DPYD: variants seen among roughly 807,000 people sequenced by gnomAD.
The protein encoded by DPYD is dihydropyrimidine dehydrogenase.
In DPYD, 109 loss-of-function variants were observed where a neutral mutation model predicts 116.2. That is an observed-to-expected ratio of 0.94 (90% CI 0.80 to 1.10). The LOEUF (loss-of-function observed/expected upper bound fraction) is 1.10. Among genes scored for constraint, DPYD ranks in the 50% least tolerant of loss-of-function variants. The probability of loss-of-function intolerance (pLI) is 0.00; values close to 1 mark genes in which losing one functional copy is unlikely to be tolerated. For synonymous variants in DPYD, 440 were observed against 432.0 expected (o/e 1.02, Z -0.23); for missense variants, 1,302 against 1,254.5 (o/e 1.04, Z -0.57).
chr1:97,696,656 G>A (rs776234637), intron 6 of DPYD, among the ~76,000 whole-genome samples: 6 of 151,928 alleles, frequency 3.9e-5, no homozygotes, highest in Non-Finnish European at 7.4e-5. Flanking sequence ...ATAGTCAGTG[G>A]AAAGTCAGAC....
intron 4 of DPYD, among the ~76,000 whole-genome samples, chr1:97,728,253 C>T (rs1663380649): frequency 6.6e-6 from 1 of 152,056 alleles, no homozygotes; most frequent in African/African-American, 2.4e-5. Flanking sequence ...CACTAATTTA[C>T]CCACAATTTG....
intron 11 of DPYD, among the ~76,000 whole-genome samples, chr1:97,572,390 A>C (rs1652962735): frequency 6.6e-6 from 1 of 152,074 alleles, no homozygotes; most frequent in South Asian, 2.1e-4. Context: ...TTCTGAGCCA[A>C]ATCTGTTCAG....
At chr1:97,199,507 A>G (rs755573523) in intron 19 of DPYD, among the ~76,000 whole-genome samples, 4 of 152,216 alleles carry the variant, frequency 2.6e-5, no homozygotes, top group Admixed American at 6.5e-5. Context: ...ATTAAATTTC[A>G]TACTATGAAT....
At chr1:97,574,806 A>G (rs990616694) in intron 10 of DPYD, among the ~76,000 whole-genome samples, 6 of 152,168 alleles carry the variant, frequency 3.9e-5, no homozygotes, top group Admixed American at 3.3e-4. Flanking sequence ...AAAATGTCCT[A>G]CTGAAGTGTT....
chr1:97,662,911 A>G (rs1035988642), intron 8 of DPYD, among the ~76,000 whole-genome samples: 2 of 152,212 alleles, frequency 1.3e-5, no homozygotes, highest in Admixed American at 1.3e-4. Context: ...TCACTGGGCT[A>G]TAATTTTTTC....
chr1:97,656,034 C>G (rs1020840027), intron 8 of DPYD, among the ~76,000 whole-genome samples: 2 of 152,032 alleles, frequency 1.3e-5, no homozygotes, highest in Non-Finnish European at 2.9e-5. Context: ...TTCAAAATAC[C>G]TACATTTCCT....
intron 4 of DPYD, among the ~76,000 whole-genome samples, chr1:97,739,463 G>C (rs1376824015): frequency 1.3e-5 from 2 of 151,818 alleles, no homozygotes; most frequent in Non-Finnish European, 2.9e-5. Flanking sequence ...TGACCATGCA[G>C]GAATAATTTT....
intron 8 of DPYD, among the ~76,000 whole-genome samples, chr1:97,635,012 C>A (rs149968419): frequency 6.6e-6 from 1 of 151,720 alleles, no homozygotes; most frequent in South Asian, 2.1e-4. Flanking sequence ...TGTGTTCAGT[C>A]CATGTTCTGT....
chr1:97,890,733 A>G (rs1464665493), intron 1 of DPYD, among the ~76,000 whole-genome samples: 1 of 152,016 alleles, frequency 6.6e-6, no homozygotes, highest in East Asian at 1.9e-4. Flanking sequence ...TAACATTTAA[A>G]GCAAACCAGC....
chr1:97,822,020 T>G (rs1183464346), intron 3 of DPYD, among the ~76,000 whole-genome samples: 2 of 151,770 alleles, frequency 1.3e-5, no homozygotes, highest in Non-Finnish European at 2.9e-5. Flanking sequence ...ATTTCATATT[T>G]TTAGTTTTCT....
At chr1:97,744,156 C>A (rs1309199945) in intron 3 of DPYD, among the ~76,000 whole-genome samples, 1 of 151,720 alleles carries the variant, frequency 6.6e-6, no homozygotes, top group East Asian at 1.9e-4. Flanking sequence ...ACTTAAAGGC[C>A]AAAAACTATT....
chr1:97,355,258 A>G (rs1439365293), intron 16 of DPYD, among the ~76,000 whole-genome samples: 1 of 152,056 alleles, frequency 6.6e-6, no homozygotes, highest in East Asian at 1.9e-4. Flanking sequence ...TTGAAATTTT[A>G]TTTTTTAATA....
chr1:97,460,793 C>G (rs1337878416), intron 13 of DPYD, among the ~76,000 whole-genome samples: 1 of 152,100 alleles, frequency 6.6e-6, no homozygotes, highest in Non-Finnish European at 1.5e-5. Flanking sequence ...AATCCCAGCA[C>G]TTTGGGAGAC....
chr1:97,149,764 T>G (rs1321528531), intron 20 of DPYD, among the ~76,000 whole-genome samples: 1 of 152,262 alleles, frequency 6.6e-6, no homozygotes, highest in Non-Finnish European at 1.5e-5. Flanking sequence ...GGAAGCTTTG[T>G]GCTATGGCAC....
intron 16 of DPYD, among the ~76,000 whole-genome samples, chr1:97,355,067 C>G (rs1670353875): frequency 6.6e-6 from 1 of 152,214 alleles, no homozygotes; most frequent in East Asian, 1.9e-4. Flanking sequence ...CCATAAAAAT[C>G]ATTTATGAAT....
chr1:97,371,988 T>C (rs1671332460), intron 16 of DPYD, among the ~76,000 whole-genome samples: 1 of 152,172 alleles, frequency 6.6e-6, no homozygotes, highest in Admixed American at 6.6e-5. Context: ...TGCAAAACTT[T>C]ATGTGGCTAA....
intron 4 of DPYD, 141 bp from the exon 5 acceptor site, chr1:97,721,812 T>C: frequency 1.3e-6 from 1 of 756,378 alleles, no homozygotes; most frequent in Admixed American, 2.4e-5. Flanking sequence ...TCAATACTAC[T>C]ATCAGGAACC....
intron 1 of DPYD, among the ~76,000 whole-genome samples, chr1:97,916,160 T>C (rs1166012460): frequency 6.6e-6 from 1 of 152,206 alleles, no homozygotes. Flanking sequence ...TTAGTGTCCT[T>C]ATCAATTCCT....
intron 14 of DPYD, among the ~76,000 whole-genome samples, chr1:97,449,838 T>C (rs1248426134): frequency 6.6e-6 from 1 of 152,240 alleles, no homozygotes; most frequent in Non-Finnish European, 1.5e-5. Flanking sequence ...TTCTTCCATC[T>C]TACATGGCAC....
Sources: gnomAD v4.1 joint callset for allele counts (sites outside exome capture counted in the v4.1 genomes callset) on GRCh38, gnomAD v4.1.1 for gene constraint, MANE v1.5 for transcripts, NCBI Gene and HGNC (gene_info 2026-07-23, HGNC 2026-07-21) for gene names.